Variants in PHF20L1 observed in about 807,000 individuals in gnomAD.
The protein encoded by PHF20L1 is PHD finger protein 20 like 1, also known as PHD finger protein 20-like protein 1.
In PHF20L1, 44 loss-of-function variants were observed where a neutral mutation model predicts 125.5. The observed-to-expected ratio is 0.35, with a 90% CI of 0.28 to 0.45. PHF20L1 has a LOEUF of 0.45. Among genes scored for constraint, PHF20L1 ranks in the 20% least tolerant of loss-of-function variants. The pLI, the probability that PHF20L1 is intolerant of heterozygous loss-of-function variation, is 1.00. For missense variants in PHF20L1, 1,012 were observed against 1,217.2 expected (o/e 0.83, Z 2.51); for synonymous variants, 380 against 403.1 (o/e 0.94, Z 0.69).
intron 2 of PHF20L1, among the ~76,000 whole-genome samples, chr8:132,789,238 G>C (rs1430112230): frequency 6.6e-6 from 1 of 152,168 alleles, no homozygotes; most frequent in Non-Finnish European, 1.5e-5. Flanking sequence ...TGTTAGTCCA[G>C]AATCTGTAGA....
At chr8:132,795,594 A>C (rs1832293153) in intron 4 of PHF20L1, among the ~76,000 whole-genome samples, 1 of 152,112 alleles carries the variant, frequency 6.6e-6, no homozygotes, top group Admixed American at 6.6e-5. Flanking sequence ...GAATACTTGC[A>C]CGTGTTTTTT....
intron 2 of PHF20L1, among the ~76,000 whole-genome samples, chr8:132,781,320 A>T (rs930671622): frequency 6.6e-6 from 1 of 152,198 alleles, no homozygotes; most frequent in East Asian, 1.9e-4. Context: ...TGAATAAACC[A>T]TATCGTATAA....
intron 16 of PHF20L1, among the ~76,000 whole-genome samples, chr8:132,837,468 T>G (rs1837490699): frequency 6.6e-6 from 1 of 152,156 alleles, no homozygotes; most frequent in Non-Finnish European, 1.5e-5. Flanking sequence ...AAATTATGAC[T>G]TAAGTACTTG....
intron 18 of PHF20L1, among the ~76,000 whole-genome samples, chr8:132,840,492 C>T (rs1005245543): frequency 6.6e-6 from 1 of 152,086 alleles, no homozygotes; most frequent in African/African-American, 2.4e-5. Context: ...AGATAAATAT[C>T]AGCTTGTCTT....
Position 132,817,648 on chromosome 8 carries a change from A to G in PHF20L1, c.1579+103A>G, listed in dbSNP as rs184679399. On this transcript the variant is annotated intron_variant, in intron 12 of 20. Coordinates refer to ENST00000395386, the MANE Select transcript of PHF20L1 (RefSeq NM_016018.5). Reference sequence around the variant, plus strand: ...GTTTAACTACATTATTTTGATTCCTATATAATTCCTTTTCATAAATACTTT... The same window carrying G: ...GTTTAACTACATTATTTTGATTCCTGTATAATTCCTTTTCATAAATACTTT... 28 of 719,884 alleles carry G rather than the reference A, an allele frequency of 3.9e-5. 1 individual carries two copies. In the African/African-American group the frequency reaches 4.7e-4, roughly 12 times the overall value. 44.6% of individuals were successfully genotyped at this position (719,884 alleles called of 1,614,324 possible). A position where few individuals can be genotyped will look rare whatever the true frequency, so the allele number is the denominator to read the frequency against.
chr8:132,804,678 A>G lies in PHF20L1; in HGVS notation c.785A>G (p.Lys262Arg). 6.2e-7 allele frequency: 1 copy of G among 1,610,416 alleles called. No individual in the cohort carries two copies. Among genetic ancestry groups the G allele is most frequent in the Non-Finnish European group, 8.5e-7 (1 of 1,177,296 alleles). ...FPQPESTLSN[K>R]RKNNQGNSFQ... The stretch of plus-strand genomic sequence containing the variant: ...CAGCCAGAGAGCACATTATCAAACA[A>G]GAGGAAAAATAATCAAGGCAACTCG... Residue 262 changes from lysine (K) to arginine (R), a missense_variant, in exon 8 of 21, where the codon AAG becomes AGG. Around this residue, in one of 7 missense-constraint regions of PHF20L1, gnomAD observed 134 missense variants for 145.9 expected, o/e 0.92. Transcript: ENST00000395386.
chr8:132,816,152 A>C (rs996090318), intron 10 of PHF20L1: 2 of 151,892 alleles, frequency 1.3e-5, no homozygotes, highest in East Asian at 3.9e-4. Context: ...TTTGTATGCC[A>C]TGTAGAAAGA....
rs73708377 is a variant in PHF20L1 at position 132,792,968 on chromosome 8, T to C, written c.84-1442T>C. On this transcript the variant is annotated intron_variant, in intron 2 of 20. Transcript: ENST00000395386. ...ATTTGAGAAGACCCCTTTTTTCTTT[T>C]TTTTTTTTTTTTTTAGTGCCACACA... 7.7e-3 allele frequency among the ~76,000 whole-genome samples: 1,108 copies of C among 143,650 alleles called. 16 individuals carry two copies. Among genetic ancestry groups the C allele is most frequent in the African/African-American group, 0.028 (985 of 35,446 alleles). 94.2% of individuals were successfully genotyped at this position (143,650 alleles called of 152,430 possible). A position where few individuals can be genotyped will look rare whatever the true frequency, so the allele number is the denominator to read the frequency against.
intron 8 of PHF20L1, among the ~76,000 whole-genome samples, chr8:132,805,413 G>A (rs772279704): frequency 2.0e-5 from 3 of 151,850 alleles, no homozygotes; most frequent in Non-Finnish European, 2.9e-5. Flanking sequence ...ATTGGGGCCA[G>A]TCATACTACA....
At chr8:132,808,477 CAAAGT>C (rs1396286733) in intron 8 of PHF20L1, 1 of 151,910 alleles carries the variant, frequency 6.6e-6, no homozygotes, top group African/African-American at 2.4e-5. Context: ...TGAAAGGAAA[CAAAGT>C]AAAAGATATA....
Position 132,837,697 on chromosome 8 carries a change from C to A in PHF20L1, c.2092-15C>A. ...TGAGGATCGGGTGACTGTAATACTC[C>A]TCTGTTTTCTGCAGTGTGAAGAGTG... is the stretch of plus-strand genomic sequence containing the variant. On this transcript the variant is annotated splice_polypyrimidine_tract_variant and intron_variant, in intron 16 of 20. Coordinates refer to ENST00000395386, the MANE Select transcript of PHF20L1 (RefSeq NM_016018.5). 6.3e-7 allele frequency: 1 copy of A among 1,596,440 alleles called. No homozygotes were observed. Among genetic ancestry groups the A allele is most frequent in the Non-Finnish European group, 8.6e-7 (1 of 1,164,788 alleles).
intron 2 of PHF20L1, among the ~76,000 whole-genome samples, chr8:132,785,557 C>T (rs1037601085): frequency 6.6e-6 from 1 of 152,062 alleles, no homozygotes; most frequent in Non-Finnish European, 1.5e-5. Context: ...TCATTAAGGT[C>T]CCAGTTTTTT....
At chr8:132,782,729 C>G (rs1563777426) in intron 2 of PHF20L1, among the ~76,000 whole-genome samples, 1 of 151,986 alleles carries the variant, frequency 6.6e-6, no homozygotes, top group Non-Finnish European at 1.5e-5. Context: ...GCTGGGACTA[C>G]AGGCGTATGC....
chr8:132,818,466 C>T (rs1306924103), intron 12 of PHF20L1: 2 of 151,786 alleles, frequency 1.3e-5, no homozygotes, highest in Non-Finnish European at 2.9e-5. Context: ...TTATTCTTTT[C>T]TGGTGATGGC....
intron 10 of PHF20L1, 94 bp from the exon 11 acceptor site, chr8:132,816,794 G>A (rs1835037962): frequency 1.2e-6 from 1 of 856,192 alleles, no homozygotes; most frequent in South Asian, 1.5e-5. Flanking sequence ...TCAGAGGGAA[G>A]AATATAAATC....
rs1330644995 is a variant in PHF20L1 at position 132,845,821 on chromosome 8, A to G, written c.2952A>G (p.Pro984=). Residue 984 remains proline, a synonymous_variant, in exon 21 of 21, where the codon CCA becomes CCG. Transcript: ENST00000395386. ...TTGATTTCACAGGGGAGTTGGAGCC[A>G]CCAGATCCTCTTGCAAGATTGCCCC... The part of the protein sequence containing the change: ...SWLDFTGELE[P]PDPLARLPQL... The G allele has an allele frequency of 1.9e-6, 3 of 1,610,964 alleles. No homozygotes were observed. In the African/African-American group the frequency reaches 4.0e-5, roughly 22 times the overall value.
chr8:132,794,940 A>T, intron 4 of PHF20L1, 123 bp downstream of exon 4: 1 of 632,592 alleles, frequency 1.6e-6, no homozygotes, highest in Non-Finnish European at 2.7e-6. Flanking sequence ...TTCTGTAAGT[A>T]TTCTTTTTCG....
In PHF20L1 at chr8:132,842,608, T is replaced by C. The variant is rs764137180; in HGVS notation, c.2481T>C (p.Ala827=). 9.9e-6 allele frequency: 16 copies of C among 1,612,812 alleles called. No individual in the cohort carries two copies. The highest frequency in any genetic ancestry group is 1.2e-5 in the Non-Finnish European group (14 of 1,179,508). ...QIIAGVEKKI[A]QDTVNREEKK... is the part of the protein sequence containing the mutation. ...TAGCTGGGGTGGAGAAAAAAATAGC[T>C]CAAGACACAGTTAATCGAGAAGAAA... Residue 827 remains alanine (A), a synonymous_variant, in exon 19 of 21, where the codon GCT becomes GCC. Coordinates refer to ENST00000395386, the MANE Select transcript of PHF20L1 (RefSeq NM_016018.5).
Position 132,846,151 on chromosome 8 carries a change from T to C in PHF20L1, c.*228T>C, listed in dbSNP as rs1261015112. 1 of 450,834 alleles carries C rather than the reference T, an allele frequency of 2.2e-6. No homozygotes were observed. Among genetic ancestry groups the C allele is most frequent in the South Asian group, 3.8e-5 (1 of 25,996 alleles). The allele number at this position is 450,834 out of a possible 1,614,324, so 27.9% of individuals were successfully genotyped here. A position where few individuals can be genotyped will look rare whatever the true frequency, so the allele number is the denominator to read the frequency against. The stretch of plus-strand genomic sequence containing the variant: ...GCAAGCTGCAAATGAGAATGTGTTA[T>C]ATGCCAAGGAACAATGAAGTAGAAT... On this transcript the variant is annotated 3_prime_UTR_variant, in exon 21 of 21. Coordinates refer to ENST00000395386, the MANE Select transcript of PHF20L1 (RefSeq NM_016018.5).
Sources: gnomAD v4.1 joint callset for allele counts (sites outside exome capture counted in the v4.1 genomes callset) on GRCh38, gnomAD v4.1.1 for gene constraint, gnomAD v4.1.1 regional missense constraint, MANE v1.5 for transcripts, NCBI Gene and HGNC (gene_info 2026-07-23, HGNC 2026-07-21) for gene names.